SYT1: variants seen among roughly 807,000 people sequenced by gnomAD.
SYT1 encodes synaptotagmin 1.
SYT1 carries 8 observed loss-of-function variants against 44.8 expected under a neutral mutation model. The ratio of observed to expected loss-of-function variants is 0.18; its 90% CI spans 0.10 to 0.32. The LOEUF is 0.32. Ranked by LOEUF, SYT1 falls within the 10% of genes least tolerant of loss-of-function variation. The pLI is 1.00. For missense variants in SYT1, 286 were observed against 509.3 expected (o/e 0.56, Z 4.22); for synonymous variants, 154 against 188.8 (o/e 0.82, Z 1.51).
At chr12:79,404,356 A>G (rs901865133) in intron 9 of SYT1, among the ~76,000 whole-genome samples, 3 of 152,168 alleles carry the variant, frequency 2.0e-5, no homozygotes, top group African/African-American at 7.2e-5. Flanking sequence ...CAAGAATGTA[A>G]TTTATATTAT....
At chr12:79,147,242 A>C (rs1171204614) in intron 3 of SYT1, among the ~76,000 whole-genome samples, 1 of 152,172 alleles carries the variant, frequency 6.6e-6, no homozygotes, top group Non-Finnish European at 1.5e-5. Context: ...TCTACTCTTC[A>C]TATTTGCTCT....
intron 3 of SYT1, among the ~76,000 whole-genome samples, chr12:79,107,738 G>A (rs1878795437): frequency 6.6e-6 from 1 of 151,746 alleles, no homozygotes; most frequent in East Asian, 1.9e-4. Flanking sequence ...AATATAAATA[G>A]CCTAAAAACC....
At position 79,296,222 on chromosome 12, in the gene SYT1, C is replaced by G. The variant is rs745632757; in HGVS notation, c.628C>G (p.Gln210Glu). ...AACCCTTAATCCTGTCTTCAATGAG[C>G]AATTTACTTTCAAGGTATTTGTTAA... Reference protein sequence around the residue: ...RKTLNPVFNEQFTFKVPYSEL... With the variant: ...RKTLNPVFNEEFTFKVPYSEL... Residue 210 changes from glutamine (Q) to glutamate (E), a missense_variant, in exon 7 of 11, where the codon CAA becomes GAA. Around this residue, in one of 6 missense-constraint regions of SYT1, gnomAD observed 81 missense variants for 164.9 expected, o/e 0.49. Transcript: ENST00000261205. The G allele has an allele frequency of 7.0e-5, 113 of 1,611,518 alleles. No individual in the cohort carries two copies. Among genetic ancestry groups the G allele is most frequent in the Non-Finnish European group, 9.2e-5 (109 of 1,179,222 alleles).
At chr12:78,955,653 A>G (rs1312116049) in intron 1 of SYT1, 1 of 152,036 alleles carries the variant, frequency 6.6e-6, no homozygotes, top group Non-Finnish European at 1.5e-5. Context: ...TCTTAATGCC[A>G]TTTTTGGAGA....
intron 1 of SYT1, among the ~76,000 whole-genome samples, chr12:78,959,214 A>T (rs1053896253): frequency 3.3e-5 from 5 of 152,200 alleles, no homozygotes; most frequent in Admixed American, 1.3e-4. Context: ...AAAAAAATAC[A>T]GCATGTATAT....
intron 3 of SYT1, among the ~76,000 whole-genome samples, chr12:79,185,158 A>C (rs1467613651): frequency 2.0e-5 from 3 of 152,104 alleles, no homozygotes; most frequent in Non-Finnish European, 2.9e-5. Context: ...AGATTCTGTG[A>C]ATTTCTAATT....
chr12:79,424,783 A>G (rs1869336100), intron 9 of SYT1, among the ~76,000 whole-genome samples: 1 of 149,930 alleles, frequency 6.7e-6, no homozygotes, highest in African/African-American at 2.4e-5. Context: ...TTGGTCTCCC[A>G]TTTTTCTATA....
intron 4 of SYT1, among the ~76,000 whole-genome samples, chr12:79,265,357 T>C (rs1878066994): frequency 6.6e-6 from 1 of 152,176 alleles, no homozygotes; most frequent in Admixed American, 6.5e-5. Flanking sequence ...AAACTTCTTA[T>C]ACTTGATACT....
At chr12:79,129,884 C>T (rs1175467256) in intron 3 of SYT1, among the ~76,000 whole-genome samples, 2 of 152,010 alleles carry the variant, frequency 1.3e-5, no homozygotes, top group East Asian at 3.9e-4. Context: ...AAAGATGATT[C>T]AAATATGGGT....
At chr12:79,089,616 T>C (rs1267448732) in intron 3 of SYT1, among the ~76,000 whole-genome samples, 1 of 151,998 alleles carries the variant, frequency 6.6e-6, no homozygotes, top group African/African-American at 2.4e-5. Context: ...GATTCAAGTT[T>C]GCTGAGACCC....
intron 4 of SYT1, among the ~76,000 whole-genome samples, chr12:79,268,075 G>A (rs1167957749): frequency 1.3e-5 from 2 of 152,166 alleles, no homozygotes; most frequent in Non-Finnish European, 1.5e-5. Flanking sequence ...AAGTTATTCA[G>A]TAGGGACTGT....
chr12:79,371,258 C>T (rs1883777444), intron 9 of SYT1, among the ~76,000 whole-genome samples: 1 of 152,182 alleles, frequency 6.6e-6, no homozygotes, highest in Admixed American at 6.5e-5. Flanking sequence ...TAAGCCTGCC[C>T]ACTTACTCAC....
chr12:79,053,205 T>C (rs1031832291), intron 3 of SYT1, among the ~76,000 whole-genome samples: 1 of 152,082 alleles, frequency 6.6e-6, no homozygotes, highest in African/African-American at 2.4e-5. Flanking sequence ...ATGTCCTTTG[T>C]AGGGACATAG....
intron 1 of SYT1, among the ~76,000 whole-genome samples, chr12:78,923,866 T>TA (rs1179021428): frequency 6.6e-6 from 1 of 151,960 alleles, no homozygotes; most frequent in Non-Finnish European, 1.5e-5. Context: ...GTCTTAATAC[T>TA]ATTATCTAAT....
chr12:79,334,616 C>A (rs1882005060), intron 8 of SYT1, among the ~76,000 whole-genome samples: 1 of 152,162 alleles, frequency 6.6e-6, no homozygotes, highest in South Asian at 2.1e-4. Context: ...ATGCACGCAT[C>A]CGCTCTCCTT....
At position 78,894,330 on chromosome 12, in the gene SYT1, G is replaced by GTTTTTTTTTTTTTTTTTTTTTT. The variant is rs566175647; in HGVS notation, c.-217+29235_-217+29256dup. Among the ~76,000 whole-genome samples, 11 of 27,732 alleles carry GTTTTTTTTTTTTTTTTTTTTTT rather than the reference G, an allele frequency of 4.0e-4. 5 individuals are homozygous for GTTTTTTTTTTTTTTTTTTTTTT. The highest frequency in any genetic ancestry group is 4.8e-4 in the African/African-American group (4 of 8,396). 18.2% of individuals were successfully genotyped at this position (27,732 alleles called of 152,430 possible). ...AATTTATGATTGTGTTTTTTAATCTGTTTTTTTTTTTTTTTTTTTTTTTTT... is the reference window on the plus strand; with the variant it reads ...AATTTATGATTGTGTTTTTTAATCTGTTTTTTTTTTTTTTTTTTTTTTTTTTTTTTTTTTTTTTTTTTTTTTT... On this transcript the variant is annotated intron_variant, in intron 1 of 10. Coordinates refer to ENST00000261205, the MANE Select transcript of SYT1 (RefSeq NM_005639.3).
intron 8 of SYT1, among the ~76,000 whole-genome samples, chr12:79,351,602 C>G (rs994495564): frequency 5.3e-5 from 8 of 150,806 alleles, no homozygotes; most frequent in Non-Finnish European, 8.9e-5. Flanking sequence ...ATTTACATTT[C>G]TCTTGTCCCA....
intron 9 of SYT1, among the ~76,000 whole-genome samples, chr12:79,397,869 T>C (rs375402867): frequency 1.3e-5 from 2 of 152,220 alleles, no homozygotes. Flanking sequence ...GTTTCCATCA[T>C]GCTCTCCACT....
At chr12:78,974,674 G>A (rs1037983106) in intron 1 of SYT1, among the ~76,000 whole-genome samples, 2 of 151,974 alleles carry the variant, frequency 1.3e-5, no homozygotes, top group Admixed American at 6.6e-5. Context: ...CTGACCTCGT[G>A]ATCCGCCCGC....
Sources: allele counts gnomAD v4.1 joint callset (sites outside exome capture counted in the v4.1 genomes callset), GRCh38; gene constraint gnomAD v4.1.1; regional missense constraint gnomAD v4.1.1; transcripts MANE v1.5; gene names NCBI Gene and HGNC (gene_info 2026-07-23, HGNC 2026-07-21).